The following ELL variants were observed in gnomAD, a reference collection of about 807,000 sequenced individuals.
ELL encodes the protein elongation factor for RNA polymerase II.
Under a neutral mutation model 64.0 loss-of-function variants are expected in ELL, and 18 were observed. The observed-to-expected ratio is 0.28, with a 90% CI of 0.19 to 0.42. The LOEUF is 0.42. Among genes scored for constraint, ELL ranks in the 10% least tolerant of loss-of-function variants. ELL has a pLI of 1.00. For missense variants in ELL, 797 were observed against 870.4 expected (o/e 0.92, Z 1.06); for synonymous variants, 399 against 376.2 (o/e 1.06, Z -0.70).
chr19:18,517,776 C>T (rs1976159681), intron 1 of ELL, among the ~76,000 whole-genome samples: 1 of 151,452 alleles, frequency 6.6e-6, no homozygotes, highest in Admixed American at 6.6e-5. Flanking sequence ...AGTCCCGGCA[C>T]TCTGGGCAGC....
At chr19:18,465,665 C>A in intron 3 of ELL, 90 bp from the exon 4 acceptor site, 1 of 1,480,228 alleles carries the variant, frequency 6.8e-7, no homozygotes, top group Non-Finnish European at 9.0e-7. Context: ...CACCACCTGG[C>A]CTGGAAAATG....
At chr19:18,446,889 C>A in intron 8 of ELL, 75 bp from the exon 9 acceptor site, 1 of 1,492,008 alleles carries the variant, frequency 6.7e-7, no homozygotes, top group Admixed American at 1.7e-5. Context: ...AGGATGGGGA[C>A]ATGCATGAAA....
intron 1 of ELL, among the ~76,000 whole-genome samples, chr19:18,510,920 A>G (rs1290457718): frequency 1.3e-5 from 2 of 152,106 alleles, no homozygotes; most frequent in Non-Finnish European, 2.9e-5. Flanking sequence ...TCAGGAGTTC[A>G]AGACCAGCAT....
At chr19:18,452,870 C>T in intron 6 of ELL, among the ~76,000 whole-genome samples, 1 of 152,220 alleles carries the variant, frequency 6.6e-6, no homozygotes, top group East Asian at 1.9e-4. Context: ...TGCAGTGTCC[C>T]CAACGGCTGC....
At chr19:18,465,635 G>C (rs1974917579) in intron 3 of ELL, 60 bp from the exon 4 acceptor site, 2 of 1,497,010 alleles carry the variant, frequency 1.3e-6, no homozygotes, top group Non-Finnish European at 8.9e-7. Flanking sequence ...AGGATCCGTT[G>C]AGGGCCCAAG....
At chr19:18,451,676 G>C in intron 6 of ELL, 28 bp from the exon 7 acceptor site, 1 of 1,477,272 alleles carries the variant, frequency 6.8e-7, no homozygotes, top group Non-Finnish European at 8.9e-7. Flanking sequence ...GGCTAGGTCA[G>C]AAGGTGCTGA....
At chr19:18,445,044 G>A (rs1242251973) in intron 11 of ELL, among the ~76,000 whole-genome samples, 176 bp from the exon 12 acceptor site, 1 of 152,220 alleles carries the variant, frequency 6.6e-6, no homozygotes, top group African/African-American at 2.4e-5. Context: ...TTGTGTGGCT[G>A]GGCCAGGATG....
intron 2 of ELL, chr19:18,471,396 G>C: frequency 2.3e-6 from 1 of 442,482 alleles, no homozygotes; most frequent in Non-Finnish European, 4.5e-6. Context: ...AAGGCTGGGC[G>C]TGGTGGCTCA....
At chr19:18,460,838 C>G (rs1035385914) in intron 5 of ELL, among the ~76,000 whole-genome samples, 1 of 152,168 alleles carries the variant, frequency 6.6e-6, no homozygotes, top group African/African-American at 2.4e-5. Context: ...AGCAGCGATC[C>G]GAGGAGACCC....
intron 1 of ELL, among the ~76,000 whole-genome samples, chr19:18,516,652 G>T (rs558387356): frequency 6.6e-6 from 1 of 152,202 alleles, no homozygotes; most frequent in East Asian, 1.9e-4. Context: ...GAACCTCCAG[G>T]CAGGGACCAG....
At chr19:18,506,876 C>G (rs557017922) in intron 1 of ELL, among the ~76,000 whole-genome samples, 1 of 152,174 alleles carries the variant, frequency 6.6e-6, no homozygotes, top group African/African-American at 2.4e-5. Context: ...ATTGATCCTA[C>G]GCTCTACGCC....
At chr19:18,521,669 C>G (rs1448464754) in intron 1 of ELL, among the ~76,000 whole-genome samples, 1 of 151,204 alleles carries the variant, frequency 6.6e-6, no homozygotes, top group East Asian at 1.9e-4. Flanking sequence ...GCCCCCCGGG[C>G]CCGGCGCGCG....
At chr19:18,516,434 G>A (rs1444539679) in intron 1 of ELL, among the ~76,000 whole-genome samples, 1 of 152,124 alleles carries the variant, frequency 6.6e-6, no homozygotes, top group Non-Finnish European at 1.5e-5. Flanking sequence ...CATCATTAAC[G>A]TTGACCGCCG....
At chr19:18,493,122 A>G (rs1308942482) in intron 1 of ELL, among the ~76,000 whole-genome samples, 2 of 152,102 alleles carry the variant, frequency 1.3e-5, no homozygotes, top group African/African-American at 4.8e-5. Context: ...ACCAGACCAC[A>G]AGGGTGACCG....
At chr19:18,518,198 A>T (rs1025633728) in intron 1 of ELL, among the ~76,000 whole-genome samples, 6 of 151,162 alleles carry the variant, frequency 4.0e-5, no homozygotes, top group African/African-American at 1.5e-4. Flanking sequence ...AAAAAACAAC[A>T]ACAACAACAA....
chr19:18,444,841 G>T lies in ELL; in HGVS notation c.1777C>A (p.His593Asn). Residue 593 changes from histidine (H) to asparagine (N), a missense_variant, in exon 12 of 12, where the codon CAC (histidine) becomes AAC (asparagine). Physicochemically the swap from His to Asn is moderately conservative, Grantham distance 68. Coordinates refer to ENST00000262809, the MANE Select transcript of ELL (RefSeq NM_006532.4). ...KTNTNYSQEKHRCEYLHSKLA... is the reference protein window; with the variant it reads ...KTNTNYSQEKNRCEYLHSKLA... ...TTGCTGTGCAGGTACTCGCAGCGGT[G>T]CTTCTCCTGGCTGTAGTTGGTGTTG... The T allele has an allele frequency of 6.2e-7, 1 of 1,612,012 alleles. No homozygotes were observed.
intron 1 of ELL, among the ~76,000 whole-genome samples, chr19:18,502,042 C>T (rs372560193): frequency 3.3e-5 from 5 of 152,256 alleles, no homozygotes; most frequent in Admixed American, 2.0e-4. Context: ...GAGTGCGTCC[C>T]ACAGAGGCAT....
Position 18,442,696 on chromosome 19 carries a change from AAGTC to A in ELL, c.*2052_*2055del, listed in dbSNP as rs1974320255. 5.2e-6 allele frequency: 1 copy of A among 191,110 alleles called. No homozygotes were observed. Among genetic ancestry groups the A allele is most frequent in the Non-Finnish European group, 1.1e-5 (1 of 90,798 alleles). 11.8% of individuals were successfully genotyped at this position (191,110 alleles called of 1,614,324 possible). ...AGTGAAATTTATTGGAGAATGAAAA[AAGTC>A]AGCATTCACCTGTTTAGTGTACAAA... On this transcript the variant is annotated 3_prime_UTR_variant, in exon 12 of 12. Transcript: ENST00000262809.
At chr19:18,463,323 ATCTTTT>A (rs1463267136) in intron 4 of ELL, among the ~76,000 whole-genome samples, 4 of 125,090 alleles carry the variant, frequency 3.2e-5, no homozygotes, top group African/African-American at 1.3e-4. Context: ...GCACATTCAC[ATCTTTT>A]TTTTTTTTTT....
Sources: gnomAD v4.1 joint callset for allele counts (sites outside exome capture counted in the v4.1 genomes callset) on GRCh38, gnomAD v4.1.1 for gene constraint, MANE v1.5 for transcripts, NCBI Gene and HGNC (gene_info 2026-07-23, HGNC 2026-07-21) for gene names.